The following KLHL41 variants were observed in gnomAD, a reference collection of about 807,000 sequenced individuals.
The protein encoded by KLHL41 is kelch-like protein 41.
A neutral mutation model predicts 49.2 loss-of-function variants in KLHL41; 31 were observed. That is an observed-to-expected ratio of 0.63 (90% confidence interval 0.47 to 0.85). KLHL41 has a LOEUF of 0.85. KLHL41 is among the 40% of genes least tolerant of loss of function. The probability of loss-of-function intolerance (pLI) is 0.00; values close to 1 mark genes in which losing one functional copy is unlikely to be tolerated. For missense variants in KLHL41, 663 were observed against 726.7 expected, an observed-to-expected ratio of 0.91 and a Z score of 1.01; for synonymous variants, 218 against 258.5, an observed-to-expected ratio of 0.84 and a Z score of 1.50.
At position 169,516,634 on chromosome 2, in the gene KLHL41, G is replaced by T. The variant is rs115402386; in HGVS notation, c.1377-1556G>T. Among the ~76,000 whole-genome samples the T allele has an allele frequency of 8.6e-3, 1,309 of 152,296 alleles. 26 individuals carry two copies. Among genetic ancestry groups the T allele is most frequent in the African/African-American group, 0.03 (1,233 of 41,548 alleles). ...AGTAAGAAGCATACAGTTCTTGTCA[G>T]TAGGAATATATCAATCTTGAGAATA... On this transcript the variant is annotated intron_variant, in intron 3 of 5. Coordinates refer to ENST00000284669, the MANE Select transcript of KLHL41 (RefSeq NM_006063.3).
intron 5 of KLHL41, among the ~76,000 whole-genome samples, chr2:169,523,354 CTG>C (rs1297163349): frequency 6.6e-6 from 1 of 152,164 alleles, no homozygotes; most frequent in Non-Finnish European, 1.5e-5. Context: ...CTTATATTGA[CTG>C]CAATTTAATT....
In KLHL41 at chr2:169,517,745, A is replaced by T. The variant is rs574383216; in HGVS notation, c.1377-445A>T. ...GTTAGTGCTAATATAAAATAAAATG[A>T]TCTATCATATAAAATTTAAAGTAGG... On this transcript the variant is annotated intron_variant, in intron 3 of 5. Transcript: ENST00000284669. Among the ~76,000 whole-genome samples, 18 of 152,312 alleles carry T rather than the reference A, an allele frequency of 1.2e-4. No individual in the cohort carries two copies. In the South Asian group the frequency reaches 3.7e-3, roughly 32 times the overall value.
At chr2:169,514,042 A>G (rs1684069458) in intron 1 of KLHL41, among the ~76,000 whole-genome samples, 1 of 152,226 alleles carries the variant, frequency 6.6e-6, no homozygotes, top group Non-Finnish European at 1.5e-5. Context: ...CAAAACACAG[A>G]GAACCTAAAA....
At chr2:169,517,162 A>G (rs1465315783) in intron 3 of KLHL41, among the ~76,000 whole-genome samples, 1 of 152,244 alleles carries the variant, frequency 6.6e-6, no homozygotes, top group Admixed American at 6.5e-5. Flanking sequence ...TCTACTCCAG[A>G]TAACTGGTCT....
rs1051056002 is a variant in KLHL41, at chr2:169,524,984, C to T, written c.1710-601C>T. The stretch of plus-strand genomic sequence containing the variant: ...CAGAGCAGACATGTTCAGCACACAT[C>T]GTACAAGGGAATTCAAGTTATCTGT... On this transcript the variant is annotated intron_variant, in intron 5 of 5. Coordinates refer to ENST00000284669, the MANE Select transcript of KLHL41 (RefSeq NM_006063.3). Among the ~76,000 whole-genome samples the T allele has an allele frequency of 2.6e-5, 4 of 152,054 alleles. No individual in the cohort carries two copies. In the South Asian group the frequency reaches 8.3e-4, roughly 32 times the overall value.
At chr2:169,517,960 A>G (rs548071363) in intron 3 of KLHL41, among the ~76,000 whole-genome samples, 2 of 152,174 alleles carry the variant, frequency 1.3e-5, no homozygotes, top group Admixed American at 1.3e-4. Context: ...TGGGGTTCTA[A>G]GCAGCTATCC....
At position 169,514,916 on chromosome 2, in the gene KLHL41, C is replaced by T. The variant is rs747860389; in HGVS notation, c.1331C>T (p.Ser444Leu). The part of the protein sequence containing the change: ...PIKVYGHNVI[S>L]HKGMIYCLGG... ...AAAGTCTATGGCCATAATGTGATTTCACATAAAGGGATGATATATTGTCTA... is the reference window on the plus strand; with the variant it reads ...AAAGTCTATGGCCATAATGTGATTTTACATAAAGGGATGATATATTGTCTA... The change falls in exon 3 of 6, where the codon TCA (serine) becomes TTA (leucine). Residue 444 changes from serine (S) to leucine (L), a missense_variant. Around this residue, in one of 3 missense-constraint regions of KLHL41, gnomAD observed 528 missense variants for 581.0 expected, o/e 0.91. Transcript: ENST00000284669. 1 of 1,611,594 alleles carries T rather than the reference C, an allele frequency of 6.2e-7. No individual in the cohort carries two copies. Among genetic ancestry groups the T allele is most frequent in the East Asian group, 2.2e-5 (1 of 44,834 alleles).
At position 169,510,154 on chromosome 2, in the gene KLHL41, C is replaced by A. The variant is rs1684008595; in HGVS notation, c.376C>A (p.Leu126Ile). 6.2e-7 allele frequency: 1 copy of A among 1,614,124 alleles called. No homozygotes were observed. The highest frequency in any genetic ancestry group is 8.5e-7 in the Non-Finnish European group (1 of 1,180,014). Residue 126 changes from leucine (L) to isoleucine (I), a missense_variant, in exon 1 of 6, where the codon CTT (leucine) becomes ATT (isoleucine). Leu to Ile is a conservative substitution (Grantham distance 5). This residue lies in a region of KLHL41 where 528 missense variants were observed against 581.0 expected (regional missense o/e 0.91). Coordinates refer to ENST00000284669, the MANE Select transcript of KLHL41 (RefSeq NM_006063.3). This position sits in a 1 kb window ranked among gnomAD's most constrained non-coding sequence, Gnocchi z 4.2. Reference protein sequence around the residue: ...PSVFTVCVSYLQKRLAPGNCL... With the variant: ...PSVFTVCVSYIQKRLAPGNCL... Reference sequence around the variant, plus strand: ...AGTGTTTACTGTCTGCGTTTCTTATCTTCAGAAAAGACTTGCTCCTGGTAA... The same window carrying A: ...AGTGTTTACTGTCTGCGTTTCTTATATTCAGAAAAGACTTGCTCCTGGTAA...
rs373207430 is a variant in KLHL41 at position 169,515,035 on chromosome 2, C to CT, written c.1376+89dup. The CT allele has an allele frequency of 0.25, 157,941 of 633,142 alleles. 4,038 individuals carry two copies. Among genetic ancestry groups the CT allele is most frequent in the Middle Eastern group, 0.28 (580 of 2,082 alleles). 39.2% of individuals were successfully genotyped at this position (633,142 alleles called of 1,614,324 possible). ...GAAGGGTTTCTTCCTCTTTTCTTTT[C>CT]TTTTTTTTTTTTTTTGAGATGGAGC... On this transcript the variant is annotated intron_variant, in intron 3 of 5. Coordinates refer to ENST00000284669, the MANE Select transcript of KLHL41 (RefSeq NM_006063.3).
Position 169,521,012 on chromosome 2 carries a change from G to C in KLHL41, c.1709+5G>C. 6.2e-7 allele frequency: 1 copy of C among 1,608,782 alleles called. No individual in the cohort carries two copies. Among genetic ancestry groups the C allele is most frequent in the Non-Finnish European group, 8.5e-7 (1 of 1,178,094 alleles). ...TGAAGTCAATGACATATGGAAGTAAGTTCTCATCACTTCAATTTTCAGAAT... is the reference window on the plus strand; with the variant it reads ...TGAAGTCAATGACATATGGAAGTAACTTCTCATCACTTCAATTTTCAGAAT... On this transcript the variant is annotated splice_donor_5th_base_variant and intron_variant, in intron 5 of 5. Coordinates refer to ENST00000284669, the MANE Select transcript of KLHL41 (RefSeq NM_006063.3).
At chr2:169,524,440 T>TTG (rs1488703139) in intron 5 of KLHL41, among the ~76,000 whole-genome samples, 2 of 144,334 alleles carry the variant, frequency 1.4e-5, no homozygotes, top group East Asian at 2.1e-4. Context: ...TTTTTTTTTT[T>TTG]GAGATGGAGT....
In KLHL41 at chr2:169,525,683, T is replaced by C; in HGVS notation, c.1808T>C (p.Leu603Pro). ...GCAACACGTTTAAATCTCTTCAAAC[T>C]GTCTAAACTGTGAACAAGGTGACAA... ...CLATRLNLFK[L>P]SKL The change falls in exon 6 of 6, where the codon CTG becomes CCG. Residue 603 changes from leucine (L) to proline (P), a missense_variant. Transcript: ENST00000284669. 6.3e-7 allele frequency: 1 copy of C among 1,597,538 alleles called. No individual in the cohort carries two copies. Among genetic ancestry groups the C allele is most frequent in the Non-Finnish European group, 8.6e-7 (1 of 1,165,168 alleles).
intron 5 of KLHL41, 60 bp downstream of exon 5, chr2:169,521,067 AT>A: frequency 4.0e-6 from 6 of 1,512,588 alleles, no homozygotes; most frequent in Non-Finnish European, 5.5e-6. Flanking sequence ...CTGATAAACT[AT>A]TTTGTAGTAA....
At chr2:169,523,851 C>T (rs1409222197) in intron 5 of KLHL41, among the ~76,000 whole-genome samples, 2 of 152,084 alleles carry the variant, frequency 1.3e-5, no homozygotes, top group African/African-American at 4.8e-5. Context: ...TGCACAAACC[C>T]TCCAGGTGAC....
Position 169,520,907 on chromosome 2 carries a change from T to C in KLHL41, c.1609T>C (p.Leu537=). ...TCCCCAAGAAAGAAGCTCCATCAGT[T>C]TGGTCAGCCTGGCTGGATCTCTGTA... ...EFPQERSSIS[L]VSLAGSLYAI... Residue 537 remains leucine (L), a synonymous_variant, in exon 5 of 6, where the codon TTG becomes CTG. Coordinates refer to ENST00000284669, the MANE Select transcript of KLHL41 (RefSeq NM_006063.3). 5 of 1,613,738 alleles carry C rather than the reference T, an allele frequency of 3.1e-6. No homozygotes were observed. The highest frequency in any genetic ancestry group is 3.4e-6 in the Non-Finnish European group (4 of 1,179,628).
intron 4 of KLHL41, among the ~76,000 whole-genome samples, chr2:169,519,394 T>C (rs906046063): frequency 1.3e-5 from 2 of 152,188 alleles, no homozygotes; most frequent in African/African-American, 4.8e-5. Context: ...GGAACACTAT[T>C]TAAATTATCA....
chr2:169,513,774 T>G lies in KLHL41; in HGVS notation c.1111-800T>G, dbSNP rs146501197. 4.2e-3 allele frequency among the ~76,000 whole-genome samples: 638 copies of G among 152,280 alleles called. 7 individuals are homozygous for G. Among genetic ancestry groups the G allele is most frequent in the African/African-American group, 0.015 (611 of 41,562 alleles). ...ACAGTTTTCTTGTGCCTTAGTGTGC[T>G]AAAATGAAAAGTGTAAAATATTTAA... On this transcript the variant is annotated intron_variant, in intron 1 of 5. Coordinates refer to ENST00000284669, the MANE Select transcript of KLHL41 (RefSeq NM_006063.3).
At chr2:169,517,190 A>G (rs1372451498) in intron 3 of KLHL41, among the ~76,000 whole-genome samples, 1 of 152,246 alleles carries the variant, frequency 6.6e-6, no homozygotes, top group Admixed American at 6.5e-5. Context: ...AATTAAGAAA[A>G]AAATTGTCCT....
intron 1 of KLHL41, 124 bp downstream of exon 1, chr2:169,511,012 C>A: frequency 1.3e-6 from 1 of 785,940 alleles, no homozygotes; most frequent in East Asian, 2.6e-5. Context: ...CTATTCCAGT[C>A]CCTTGCACTT....
Sources: allele counts gnomAD v4.1 joint callset (sites outside exome capture counted in the v4.1 genomes callset), GRCh38; gene constraint gnomAD v4.1.1; regional missense constraint gnomAD v4.1.1; non-coding constraint Gnocchi (gnomAD v3.1); transcripts MANE v1.5; gene names NCBI Gene and HGNC (gene_info 2026-07-23, HGNC 2026-07-21).